The following KCTD1 variants were observed in gnomAD, a reference collection of about 807,000 sequenced individuals.
The protein encoded by KCTD1 is BTB/POZ domain-containing protein KCTD1.
KCTD1 carries 24 observed loss-of-function variants against 66.0 expected under a neutral mutation model. That is an observed-to-expected ratio of 0.36 (90% CI 0.26 to 0.51). KCTD1 has a LOEUF of 0.51. KCTD1 is among the 20% of genes least tolerant of loss of function. KCTD1 has a pLI of 0.95. For missense variants in KCTD1, 943 were observed against 1,205.2 expected (o/e 0.78, Z 3.22); for synonymous variants, 511 against 517.2 (o/e 0.99, Z 0.16).
intron 2 of KCTD1, among the ~76,000 whole-genome samples, chr18:26,491,901 T>C (rs1037744709): frequency 6.6e-6 from 1 of 152,066 alleles, no homozygotes; most frequent in African/African-American, 2.4e-5. Flanking sequence ...TGGGAAACAT[T>C]AAAAAATCCT....
intron 1 of KCTD1, among the ~76,000 whole-genome samples, chr18:26,610,937 T>C (rs1288247905): frequency 2.6e-5 from 4 of 152,254 alleles, no homozygotes; most frequent in Non-Finnish European, 4.4e-5. Flanking sequence ...TGGTGTTCAT[T>C]GTTCATGCTT....
intron 1 of KCTD1, among the ~76,000 whole-genome samples, chr18:26,510,466 C>T (rs574594377): frequency 6.6e-6 from 1 of 152,234 alleles, no homozygotes; most frequent in Non-Finnish European, 1.5e-5. Flanking sequence ...TGTTACCCTT[C>T]TTGCTGTGGG....
chr18:26,528,470 T>G (rs963947367), intron 1 of KCTD1, among the ~76,000 whole-genome samples: 1 of 152,178 alleles, frequency 6.6e-6, no homozygotes, highest in African/African-American at 2.4e-5. Context: ...CCATCTCTCT[T>G]GCTCTTTCTA....
At chr18:26,555,275 G>A (rs1985680112) in intron 1 of KCTD1, among the ~76,000 whole-genome samples, 1 of 152,076 alleles carries the variant, frequency 6.6e-6, no homozygotes, top group South Asian at 2.1e-4. Context: ...ATGTTGGTAC[G>A]AAAATGTTAT....
intron 1 of KCTD1, among the ~76,000 whole-genome samples, chr18:26,535,816 T>C (rs1984674975): frequency 1.3e-5 from 2 of 152,070 alleles, no homozygotes. Context: ...GGTAGGTGAA[T>C]GTGAGGGTCA....
At chr18:26,636,114 G>T (rs1598978265) in intron 1 of KCTD1, among the ~76,000 whole-genome samples, 2 of 152,226 alleles carry the variant, frequency 1.3e-5, no homozygotes, top group South Asian at 4.1e-4. Context: ...TGACGATTGG[G>T]GGTATCTAGA....
At chr18:26,502,412 T>C (rs1477337435) in intron 1 of KCTD1, among the ~76,000 whole-genome samples, 2 of 152,196 alleles carry the variant, frequency 1.3e-5, no homozygotes, top group African/African-American at 4.8e-5. Context: ...ATGCTGATCT[T>C]GACCTCCTGG....
At chr18:26,508,747 C>A (rs1046257555) in intron 1 of KCTD1, among the ~76,000 whole-genome samples, 2 of 151,272 alleles carry the variant, frequency 1.3e-5, no homozygotes, top group African/African-American at 2.4e-5. Context: ...CACACACACG[C>A]ACAACATCTG....
At chr18:26,646,047 A>G (rs1193567304) in intron 1 of KCTD1, among the ~76,000 whole-genome samples, 1 of 152,260 alleles carries the variant, frequency 6.6e-6, no homozygotes, top group Non-Finnish European at 1.5e-5. Flanking sequence ...GAAGTCATAT[A>G]GTAAGACTGC....
Position 26,610,401 on chromosome 18 carries a change from C to A in KCTD1, c.-16+18746G>T, listed in dbSNP as rs74341776. On this transcript the variant is annotated intron_variant, in intron 1 of 4. Coordinates refer to the KCTD1 transcript ENST00000317932. The stretch of plus-strand genomic sequence containing the variant: ...CAGCCTGGGTAACCGTGTGAGACCC[C>A]ATCTCTACAAAAATAAAAATAAAAA... Among the ~76,000 whole-genome samples the A allele has an allele frequency of 3.9e-3, 599 of 152,178 alleles. 6 individuals carry two copies. The highest frequency in any genetic ancestry group is 0.014 in the African/African-American group (581 of 41,504).
At chr18:26,549,168 C>A (rs1985435633), upstream of KCTD1, 8 of 985,108 alleles carry the variant, frequency 8.1e-6, no homozygotes, top group Non-Finnish European at 8.4e-6. Context: ...ACCCTCTCGG[C>A]GCCCGCGGCC....
At chr18:26,653,532 C>T (rs1463393546) in intron 1 of KCTD1, among the ~76,000 whole-genome samples, 1 of 152,202 alleles carries the variant, frequency 6.6e-6, no homozygotes, top group Non-Finnish European at 1.5e-5. Flanking sequence ...GAATGTCTGC[C>T]TCTCTGTCTG....
chr18:26,528,527 T>C (rs1044718186), intron 1 of KCTD1, among the ~76,000 whole-genome samples: 1 of 152,214 alleles, frequency 6.6e-6, no homozygotes, highest in Non-Finnish European at 1.5e-5. Flanking sequence ...GGGATCCACC[T>C]ATCATCTCCT....
At chr18:26,487,691 T>C (rs1448228092) in intron 2 of KCTD1, among the ~76,000 whole-genome samples, 9 of 152,224 alleles carry the variant, frequency 5.9e-5, no homozygotes, top group African/African-American at 2.2e-4. Context: ...TCTGTAGGTG[T>C]GTGTCTTGTG....
intron 1 of KCTD1, among the ~76,000 whole-genome samples, chr18:26,620,103 G>GT (rs1283115021): frequency 6.6e-6 from 1 of 152,056 alleles, no homozygotes; most frequent in African/African-American, 2.4e-5. Context: ...AGGGGTTTTT[G>GT]TTTGTTTTAT....
intron 3 of KCTD1, among the ~76,000 whole-genome samples, chr18:26,471,899 T>G (rs1180702790): frequency 6.6e-6 from 1 of 152,146 alleles, no homozygotes; most frequent in African/African-American, 2.4e-5. Context: ...TCCAGAGAGC[T>G]GCTGGGCCTT....
intron 2 of KCTD1, among the ~76,000 whole-genome samples, chr18:26,497,341 G>A (rs1982529864): frequency 6.6e-6 from 1 of 152,132 alleles, no homozygotes; most frequent in African/African-American, 2.4e-5. Flanking sequence ...GGATCCAAGA[G>A]GGTGGGGCAG....
upstream of KCTD1, chr18:26,549,165 C>A: frequency 1.0e-6 from 1 of 985,170 alleles, no homozygotes; most frequent in South Asian, 4.7e-5. Flanking sequence ...CGCACCCTCT[C>A]GGCGCCCGCG....
intron 2 of KCTD1, among the ~76,000 whole-genome samples, chr18:26,489,108 T>C (rs916146949): frequency 2.0e-5 from 3 of 152,208 alleles, no homozygotes; most frequent in Non-Finnish European, 4.4e-5. Flanking sequence ...GAAAGCATTC[T>C]GCACCAACGC....
Sources: gnomAD v4.1 joint callset for allele counts (sites outside exome capture counted in the v4.1 genomes callset) on GRCh38, gnomAD v4.1.1 for gene constraint, MANE v1.5 for transcripts, NCBI Gene and HGNC (gene_info 2026-07-23, HGNC 2026-07-21) for gene names.